Variants in RNASEH2B observed in about 807,000 individuals in gnomAD.
The protein encoded by RNASEH2B is ribonuclease H2 subunit B, also known as Aicardi-Goutieres syndrome 2 protein.
A neutral mutation model predicts 45.0 loss-of-function variants in RNASEH2B; 36 were observed. The observed-to-expected ratio is 0.80, with a 90% CI of 0.61 to 1.06. RNASEH2B has a LOEUF of 1.06. Ranked by LOEUF, RNASEH2B falls within the 50% of genes least tolerant of loss-of-function variation. The pLI, the probability that RNASEH2B is intolerant of heterozygous loss-of-function variation, is 0.00. For synonymous variants in RNASEH2B, 119 were observed against 125.7 expected (o/e 0.95, Z 0.35); for missense variants, 361 against 360.3 (o/e 1.00, Z -0.02).
intron 1 of RNASEH2B, 113 bp downstream of exon 1, chr13:50,910,253 G>C (rs1879282500): frequency 1.5e-6 from 1 of 678,048 alleles, no homozygotes; most frequent in South Asian, 3.0e-5. Flanking sequence ...CCCGGCGCGG[G>C]ATGGGATTCT....
chr13:50,928,610 A>G (rs1267701805), intron 2 of RNASEH2B: 1 of 152,244 alleles, frequency 6.6e-6, no homozygotes, highest in African/African-American at 2.4e-5. Context: ...GGCAGTGGGA[A>G]AGTAAAGGCT....
intron 2 of RNASEH2B, among the ~76,000 whole-genome samples, chr13:50,928,936 T>C (rs920130195): frequency 1.3e-5 from 2 of 149,206 alleles, no homozygotes; most frequent in Admixed American, 6.7e-5. Flanking sequence ...TCCTCCCTTT[T>C]TTTTTTTTTT....
intron 9 of RNASEH2B, among the ~76,000 whole-genome samples, chr13:50,964,091 C>T (rs566624270): frequency 1.3e-5 from 2 of 152,122 alleles, no homozygotes; most frequent in Admixed American, 6.5e-5. Context: ...CCCAGCTACT[C>T]GGGAGGCTGA....
downstream of RNASEH2B, among the ~76,000 whole-genome samples, chr13:50,960,405 C>T (rs183547638): frequency 1.3e-4 from 20 of 152,014 alleles, no homozygotes; most frequent in African/African-American, 4.1e-4. Flanking sequence ...TAATAATAGC[C>T]GTCTTTGTCT....
intron 5 of RNASEH2B, chr13:50,941,320 A>G (rs943626698): frequency 2.6e-5 from 4 of 152,240 alleles, no homozygotes; most frequent in Non-Finnish European, 5.9e-5. Context: ...CTTCCCAAGG[A>G]GACAGCATGT....
At chr13:50,948,826 T>C (rs142549536) in intron 8 of RNASEH2B, 2 of 152,282 alleles carry the variant, frequency 1.3e-5, no homozygotes, top group African/African-American at 2.4e-5. Context: ...GGTCCTACTT[T>C]AAAAAACAAT....
chr13:50,924,021 A>G (rs1951557805), intron 1 of RNASEH2B, among the ~76,000 whole-genome samples: 1 of 152,148 alleles, frequency 6.6e-6, no homozygotes, highest in African/African-American at 2.4e-5. Context: ...TAAGAAAATA[A>G]CTCCTTTAAA....
downstream of RNASEH2B, among the ~76,000 whole-genome samples, chr13:50,958,086 T>C (rs9596408): frequency 3.2e-3 from 490 of 152,316 alleles, 3 homozygotes; most frequent in African/African-American, 0.011. Context: ...AGAAGCTCTT[T>C]AGTTTAATAA....
chr13:50,938,559 AG>A (rs1387590598), intron 5 of RNASEH2B: 1 of 152,086 alleles, frequency 6.6e-6, no homozygotes, highest in East Asian at 1.9e-4. Context: ...TGGGGCAGGG[AG>A]GGGGATGGCT....
intron 9 of RNASEH2B, chr13:50,950,936 G>C (rs892403796): frequency 6.6e-6 from 1 of 152,116 alleles, no homozygotes; most frequent in Non-Finnish European, 1.5e-5. Context: ...AATATTTTAG[G>C]CTCCATGAAG....
At chr13:50,969,908 C>G in intron 9 of RNASEH2B, 1 of 1,550,616 alleles carries the variant, frequency 6.4e-7, no homozygotes, top group Non-Finnish European at 8.7e-7. Flanking sequence ...CAGGACACAC[C>G]ACATGTTTTC....
intron 1 of RNASEH2B, among the ~76,000 whole-genome samples, chr13:50,919,665 G>C (rs968784380): frequency 1.3e-4 from 20 of 152,156 alleles, no homozygotes; most frequent in African/African-American, 4.8e-4. Flanking sequence ...AAGTTAAGAG[G>C]TATGGGACTT....
chr13:50,942,734 ACATGTGC>A (rs1364294969), intron 5 of RNASEH2B: 1 of 152,584 alleles, frequency 6.6e-6, no homozygotes. Context: ...AAGTCCTGAG[ACATGTGC>A]CCCACGGTGG....
downstream of RNASEH2B, among the ~76,000 whole-genome samples, chr13:50,958,272 G>T (rs1015047357): frequency 1.3e-5 from 2 of 152,134 alleles, no homozygotes; most frequent in African/African-American, 4.8e-5. Context: ...TTTGTATATG[G>T]TGATAGGTAG....
chr13:50,923,969 A>G (rs1315529457), intron 1 of RNASEH2B, among the ~76,000 whole-genome samples: 1 of 152,224 alleles, frequency 6.6e-6, no homozygotes, highest in Non-Finnish European at 1.5e-5. Context: ...TCTGAACTAC[A>G]TTGTGAGTTA....
intron 9 of RNASEH2B, chr13:50,953,143 T>G (rs1351119308): frequency 6.6e-6 from 1 of 152,220 alleles, no homozygotes; most frequent in Non-Finnish European, 1.5e-5. Flanking sequence ...ACAGCAAGAC[T>G]TGTCTTCCCT....
chr13:50,969,821 CTA>C, intron 9 of RNASEH2B: 2 of 1,094,920 alleles, frequency 1.8e-6, no homozygotes, highest in South Asian at 2.8e-5. Context: ...GCCCTCAGGA[CTA>C]AACCCGCCAG....
At chr13:50,961,166 A>G (rs1429751894), downstream of RNASEH2B, among the ~76,000 whole-genome samples, 1 of 152,108 alleles carries the variant, frequency 6.6e-6, no homozygotes, top group Admixed American at 6.5e-5. Flanking sequence ...TACAGTTTTC[A>G]TTGTGAATTA....
chr13:50,933,501 A>T lies in RNASEH2B; in HGVS notation c.322-1384A>T, dbSNP rs536733452. Reference sequence around the variant, plus strand: ...TTTCCTTCTCTACATTTTAGACATGATCATTTCCTATTTAGTTAAAAATTA... The same window carrying T: ...TTTCCTTCTCTACATTTTAGACATGTTCATTTCCTATTTAGTTAAAAATTA... On this transcript the variant is annotated intron_variant, in intron 4 of 10. Transcript: ENST00000336617. Among the ~76,000 whole-genome samples the T allele has an allele frequency of 5.9e-5, 9 of 152,332 alleles. No homozygotes were observed. In the South Asian group the frequency reaches 1.7e-3, roughly 28 times the overall value.
Sources: allele counts gnomAD v4.1 joint callset (sites outside exome capture counted in the v4.1 genomes callset), GRCh38; gene constraint gnomAD v4.1.1; transcripts MANE v1.5; gene names NCBI Gene and HGNC (gene_info 2026-07-23, HGNC 2026-07-21).